The following ADAMTS2 variants were observed in gnomAD, a reference collection of about 807,000 sequenced individuals.
ADAMTS2 encodes A disintegrin and metalloproteinase with thrombospondin motifs 2.
ADAMTS2 carries 50 observed loss-of-function variants against 123.0 expected under a neutral mutation model. That is an observed-to-expected ratio of 0.41 (90% CI 0.32 to 0.51). The LOEUF (loss-of-function observed/expected upper bound fraction) is 0.51, where lower values mean the gene tolerates loss of function less well. ADAMTS2 is among the 20% of genes least tolerant of loss of function. The pLI, the probability that ADAMTS2 is intolerant of heterozygous loss-of-function variation, is 0.35. For synonymous variants in ADAMTS2, 678 were observed against 695.4 expected (o/e 0.98, Z 0.39); for missense variants, 1,494 against 1,705.2 (o/e 0.88, Z 2.18).
At chr5:179,139,576 C>T (rs983234970) in intron 11 of ADAMTS2, among the ~76,000 whole-genome samples, 1 of 152,166 alleles carries the variant, frequency 6.6e-6, no homozygotes, top group African/African-American at 2.4e-5. Flanking sequence ...CGCTTACCCC[C>T]ATTTCCCCAG....
intron 2 of ADAMTS2, among the ~76,000 whole-genome samples, chr5:179,338,552 C>T (rs1178430288): frequency 7.2e-5 from 11 of 152,164 alleles, no homozygotes; most frequent in East Asian, 1.9e-4. Context: ...CTGAGGGGAA[C>T]GCTGGAGTTC....
At chr5:179,166,317 G>A (rs879820164) in intron 5 of ADAMTS2, among the ~76,000 whole-genome samples, 4 of 152,172 alleles carry the variant, frequency 2.6e-5, no homozygotes, top group African/African-American at 9.7e-5. Flanking sequence ...GGCCCGGGCT[G>A]GAAAGGGTCT....
At chr5:179,210,518 G>A (rs1174365440) in intron 3 of ADAMTS2, among the ~76,000 whole-genome samples, 3 of 152,234 alleles carry the variant, frequency 2.0e-5, no homozygotes, top group African/African-American at 4.8e-5. Flanking sequence ...TGGAAATTAT[G>A]TTCTAGAGCA....
At chr5:179,329,518 A>T (rs1413342255) in intron 2 of ADAMTS2, among the ~76,000 whole-genome samples, 4 of 152,176 alleles carry the variant, frequency 2.6e-5, no homozygotes, top group Non-Finnish European at 4.4e-5. Context: ...CACCTTATAC[A>T]GTATAAGAAA....
In ADAMTS2 at chr5:179,129,119, C is replaced by T. The variant is rs1472837178; in HGVS notation, c.2457+813G>A. ...TAGTGAGCAGGTGAATTTGCAAATA[C>T]AGAAACCGTGAGTGCCGAGGACCAG... On this transcript the variant is annotated intron_variant, in intron 16 of 21. Coordinates refer to ENST00000251582, the MANE Select transcript of ADAMTS2 (RefSeq NM_014244.5). This position sits in a 1 kb window ranked among gnomAD's most constrained non-coding sequence, Gnocchi z 4.1. 6.6e-6 allele frequency among the ~76,000 whole-genome samples: 1 copy of T among 152,158 alleles called. No individual in the cohort carries two copies. Among genetic ancestry groups the T allele is most frequent in the Admixed American group, 6.5e-5 (1 of 15,274 alleles).
intron 5 of ADAMTS2, among the ~76,000 whole-genome samples, chr5:179,173,774 G>T (rs1339091199): frequency 6.6e-6 from 1 of 152,156 alleles, no homozygotes; most frequent in African/African-American, 2.4e-5. Flanking sequence ...CCAGCACTTT[G>T]GGAGGCCGAG....
rs753795216 is a variant in ADAMTS2 at position 179,228,857 on chromosome 5, G to A, written c.689-21142C>T. 6.6e-5 allele frequency among the ~76,000 whole-genome samples: 10 copies of A among 152,322 alleles called. No individual in the cohort carries two copies. Among genetic ancestry groups the A allele is most frequent in the African/African-American group, 2.2e-4 (9 of 41,568 alleles). ...GTGCTCCTTCCCAGAGGAGGGAGCC[G>A]AAGCTCTGCCAGTCTGCACTGAAGT... On this transcript the variant is annotated intron_variant, in intron 3 of 21. Coordinates refer to ENST00000251582, the MANE Select transcript of ADAMTS2 (RefSeq NM_014244.5). The surrounding 1 kb of genome is among the most constrained non-coding windows in gnomAD (Gnocchi z 5.2).
chr5:179,199,347 G>A (rs759275666), intron 4 of ADAMTS2, among the ~76,000 whole-genome samples: 15 of 152,172 alleles, frequency 9.9e-5, no homozygotes, highest in Admixed American at 6.5e-4. Flanking sequence ...CTCAGGGCAG[G>A]CGTGGTGGTG....
At chr5:179,223,527 C>CTCACACACGA (rs1554131694) in intron 3 of ADAMTS2, among the ~76,000 whole-genome samples, 4 of 146,962 alleles carry the variant, frequency 2.7e-5, no homozygotes, top group South Asian at 2.1e-4. Context: ...CACTCACACA[C>CTCACACACGA]ATGCACTCAC....
At position 179,228,164 on chromosome 5, in the gene ADAMTS2, G is replaced by A. The variant is rs895184063; in HGVS notation, c.689-20449C>T. Among the ~76,000 whole-genome samples, 5 of 152,276 alleles carry A rather than the reference G, an allele frequency of 3.3e-5. No homozygotes were observed. Among genetic ancestry groups the A allele is most frequent in the Admixed American group, 6.5e-5 (1 of 15,290 alleles). Reference sequence around the variant, plus strand: ...CTGGAGCACAGAGAGAGGGTGGGCCGGAGGCCCCAGGTGTGGGCGGCCTCC... The same window carrying A: ...CTGGAGCACAGAGAGAGGGTGGGCCAGAGGCCCCAGGTGTGGGCGGCCTCC... On this transcript the variant is annotated intron_variant, in intron 3 of 21. Transcript: ENST00000251582. This position sits in a 1 kb window ranked among gnomAD's most constrained non-coding sequence, Gnocchi z 5.2.
intron 18 of ADAMTS2, 101 bp from the exon 19 acceptor site, chr5:179,125,281 G>T: frequency 9.6e-7 from 1 of 1,044,128 alleles, no homozygotes; most frequent in Non-Finnish European, 1.5e-6. Flanking sequence ...TAGACAGCGA[G>T]CACAGAGGGC....
intron 3 of ADAMTS2, among the ~76,000 whole-genome samples, chr5:179,229,975 G>A (rs975209799): frequency 3.3e-5 from 5 of 152,042 alleles, no homozygotes; most frequent in Admixed American, 6.5e-5. Flanking sequence ...TCCTGACCCC[G>A]TACATCCCTG....
rs959791190 is a variant in ADAMTS2 at position 179,303,902 on chromosome 5, G to A, written c.535-30838C>T. On this transcript the variant is annotated intron_variant, in intron 2 of 21. Transcript: ENST00000251582. The surrounding 1 kb of genome is among the most constrained non-coding windows in gnomAD (Gnocchi z 4.7). Reference sequence around the variant, plus strand: ...CAAGGAGCCGCAGGAAACTGGACAGGGCTAGGAAGATGGCAGAGACAGCAG... The same window carrying A: ...CAAGGAGCCGCAGGAAACTGGACAGAGCTAGGAAGATGGCAGAGACAGCAG... Among the ~76,000 whole-genome samples the A allele has an allele frequency of 6.6e-6, 1 of 152,168 alleles. No homozygotes were observed. The highest frequency in any genetic ancestry group is 1.5e-5 in the Non-Finnish European group (1 of 68,036).
chr5:179,134,979 C>T (rs1378122137), intron 13 of ADAMTS2, among the ~76,000 whole-genome samples: 1 of 144,656 alleles, frequency 6.9e-6, no homozygotes, highest in East Asian at 2.1e-4. Flanking sequence ...CCCCCAGCTC[C>T]GGGCCTCTAG....
intron 10 of ADAMTS2, among the ~76,000 whole-genome samples, chr5:179,151,699 G>A (rs890153421): frequency 4.6e-5 from 7 of 152,164 alleles, no homozygotes; most frequent in Admixed American, 1.3e-4. Context: ...TGGGCCTGGG[G>A]CAGCCATCAA....
At chr5:179,245,796 C>CAAAACAAA (rs1561628747) in intron 3 of ADAMTS2, among the ~76,000 whole-genome samples, 1 of 73,784 alleles carries the variant, frequency 1.4e-5, no homozygotes, top group Non-Finnish European at 2.6e-5. Flanking sequence ...AAAAAAAAAA[C>CAAAACAAA]AAAAAAAACA....
chr5:179,253,051 T>C lies in ADAMTS2; in HGVS notation c.688+19860A>G, dbSNP rs976492975. Among the ~76,000 whole-genome samples, 7 of 152,220 alleles carry C rather than the reference T, an allele frequency of 4.6e-5. 1 individual carries two copies. The highest frequency in any genetic ancestry group is 2.0e-4 in the Admixed American group (3 of 15,286). ...GTCTTGAGGTCTGTTGAGTCTGAGA[T>C]TGATACAGCAATGTCGGCTTGCCTT... On this transcript the variant is annotated intron_variant, in intron 3 of 21. Transcript: ENST00000251582.
At chr5:179,271,308 T>A (rs1766525096) in intron 3 of ADAMTS2, among the ~76,000 whole-genome samples, 1 of 152,126 alleles carries the variant, frequency 6.6e-6, no homozygotes, top group Non-Finnish European at 1.5e-5. Flanking sequence ...CAAGGGCACG[T>A]GGCCAGCTCA....
Position 179,262,163 on chromosome 5 carries a change from G to A in ADAMTS2, c.688+10748C>T, listed in dbSNP as rs990719929. On this transcript the variant is annotated intron_variant, in intron 3 of 21. Transcript: ENST00000251582. This position sits in a 1 kb window ranked among gnomAD's most constrained non-coding sequence, Gnocchi z 5.9. Reference sequence around the variant, plus strand: ...TGGGTGCCAATTCTGACTCCTGCACGTGGCCCAGACCACCTAACCTGCCAC... The same window carrying A: ...TGGGTGCCAATTCTGACTCCTGCACATGGCCCAGACCACCTAACCTGCCAC... 2.0e-5 allele frequency among the ~76,000 whole-genome samples: 3 copies of A among 151,990 alleles called. No homozygotes were observed. The highest frequency in any genetic ancestry group is 6.6e-5 in the Admixed American group (1 of 15,266).
Sources: gnomAD v4.1 joint callset for allele counts (sites outside exome capture counted in the v4.1 genomes callset) on GRCh38, gnomAD v4.1.1 for gene constraint, Gnocchi (gnomAD v3.1) non-coding constraint, MANE v1.5 for transcripts, NCBI Gene and HGNC (gene_info 2026-07-23, HGNC 2026-07-21) for gene names.